The following NBAS variants were observed in gnomAD, a reference collection of about 807,000 sequenced individuals.
NBAS encodes the protein NBAS subunit of NRZ tethering complex.
In NBAS, 219 loss-of-function variants were observed where a neutral mutation model predicts 302.5. The ratio of observed to expected loss-of-function variants is 0.72; its 90% CI spans 0.65 to 0.81. The LOEUF is 0.81. NBAS is among the 30% of genes least tolerant of loss of function. NBAS has a pLI of 0.00. For synonymous variants in NBAS, 1,118 were observed against 1,021.6 expected (o/e 1.09, Z -1.80); for missense variants, 2,932 against 2,841.6 (o/e 1.03, Z -0.72).
intron 31 of NBAS, among the ~76,000 whole-genome samples, chr2:15,368,035 ACATATATACAAGTG>A (rs1443944682): frequency 6.6e-6 from 1 of 152,176 alleles, no homozygotes; most frequent in Non-Finnish European, 1.5e-5. Context: ...TTTATAATAC[ACATATATACAAGTG>A]CATATATACA....
At chr2:15,514,054 T>C (rs1048215145) in intron 9 of NBAS, among the ~76,000 whole-genome samples, 9 of 152,212 alleles carry the variant, frequency 5.9e-5, no homozygotes, top group Non-Finnish European at 1.3e-4. Context: ...CTGTTAATTA[T>C]TTTAGATGTG....
At chr2:15,450,921 C>T (rs537167186) in intron 21 of NBAS, among the ~76,000 whole-genome samples, 1 of 152,258 alleles carries the variant, frequency 6.6e-6, no homozygotes, top group Admixed American at 6.5e-5. Flanking sequence ...GAAACATTAA[C>T]ATTCTTCTTA....
At chr2:15,544,724 C>T (rs1463821993) in intron 6 of NBAS, among the ~76,000 whole-genome samples, 1 of 152,112 alleles carries the variant, frequency 6.6e-6, no homozygotes, top group Non-Finnish European at 1.5e-5. Flanking sequence ...CTTTAAAGAG[C>T]TGAAAGAGCC....
chr2:14,844,748 A>G, the NBAS span, among the ~76,000 whole-genome samples: 2 of 152,164 alleles, frequency 1.3e-5, no homozygotes, highest in Admixed American at 6.5e-5. Context: ...TTAAGGGAAT[A>G]TCAGCAGTAG....
At position 15,167,440 on chromosome 2, in the gene NBAS, T is replaced by G. The variant is rs10221694; in HGVS notation, c.6841-117A>C. 9,039 of 1,326,866 alleles carry G rather than the reference T, an allele frequency of 6.8e-3. 413 individuals are homozygous for G. The African/African-American group carries it at 0.11, about 16-fold the overall frequency. 82.2% of individuals were successfully genotyped at this position (1,326,866 alleles called of 1,614,324 possible). A position where few individuals can be genotyped will look rare whatever the true frequency, so the allele number is the denominator to read the frequency against. ...CATCATTCATGCCCTGGCCTGGGTT[T>G]AAAAGCGTGTGTGGGTCACGAGCAC... On this transcript the variant is annotated intron_variant, in intron 51 of 51. Coordinates refer to ENST00000281513, the MANE Select transcript of NBAS (RefSeq NM_015909.4).
the NBAS span, among the ~76,000 whole-genome samples, chr2:14,780,347 G>A: frequency 4.1e-4 from 62 of 152,272 alleles, 1 homozygote; most frequent in East Asian, 9.3e-3. Flanking sequence ...GCAGAACTTA[G>A]CCTGGATTTT....
At chr2:15,036,244 T>C in the NBAS span, among the ~76,000 whole-genome samples, 1 of 152,224 alleles carries the variant, frequency 6.6e-6, no homozygotes, top group Admixed American at 6.5e-5. Context: ...CTTGCATCCC[T>C]AGTGCCTAGC....
chr2:14,833,559 C>T, the NBAS span, among the ~76,000 whole-genome samples: 2 of 152,030 alleles, frequency 1.3e-5, no homozygotes, highest in African/African-American at 4.8e-5. Flanking sequence ...TCATTATTAT[C>T]ACTATTCATT....
chr2:14,982,770 A>C, the NBAS span, among the ~76,000 whole-genome samples: 1 of 152,250 alleles, frequency 6.6e-6, no homozygotes, highest in African/African-American at 2.4e-5. Context: ...ATAATTATAA[A>C]TAACTTGATT....
chr2:15,005,015 T>C, the NBAS span, among the ~76,000 whole-genome samples: 17 of 152,164 alleles, frequency 1.1e-4, no homozygotes, highest in Admixed American at 9.8e-4. Flanking sequence ...CAATTAAACA[T>C]TGTTTCACTC....
chr2:15,535,555 T>C (rs986082343), intron 8 of NBAS, among the ~76,000 whole-genome samples: 31 of 91,430 alleles, frequency 3.4e-4, no homozygotes, highest in Admixed American at 6.7e-4. Flanking sequence ...AATAAATAAA[T>C]AAATAAATAA....
chr2:15,381,953 T>C (rs1347871368), intron 29 of NBAS, among the ~76,000 whole-genome samples: 1 of 152,234 alleles, frequency 6.6e-6, no homozygotes, highest in Non-Finnish European at 1.5e-5. Flanking sequence ...CAATGGGTTA[T>C]GCTTTGTGGT....
the NBAS span, among the ~76,000 whole-genome samples, chr2:15,073,905 C>G: frequency 0.26 from 40,129 of 152,078 alleles, 5,404 homozygotes; most frequent in East Asian, 0.34. Context: ...GGACCTATCT[C>G]TCTAAAATAT....
the NBAS span, among the ~76,000 whole-genome samples, chr2:15,089,819 G>A: frequency 7.6e-6 from 1 of 131,802 alleles, no homozygotes; most frequent in Non-Finnish European, 1.5e-5. Flanking sequence ...CACAATCTCA[G>A]TTCACTGCAA....
At chr2:15,326,961 T>C (rs754907986) in intron 38 of NBAS, among the ~76,000 whole-genome samples, 18 of 152,228 alleles carry the variant, frequency 1.2e-4, no homozygotes, top group African/African-American at 4.3e-4. Flanking sequence ...CTGTATGCAT[T>C]TTCCCAAATT....
chr2:15,198,748 A>T (rs1412700302), intron 48 of NBAS, among the ~76,000 whole-genome samples: 1 of 152,222 alleles, frequency 6.6e-6, no homozygotes, highest in East Asian at 1.9e-4. Flanking sequence ...AGCACAATAC[A>T]AATGATAATT....
the NBAS span, among the ~76,000 whole-genome samples, chr2:14,915,917 A>G: frequency 3.3e-5 from 5 of 152,136 alleles, no homozygotes; most frequent in African/African-American, 1.2e-4. Context: ...GCCTACTGCC[A>G]TCTACATAAG....
intron 38 of NBAS, among the ~76,000 whole-genome samples, chr2:15,320,395 C>T (rs753444495): frequency 6.6e-6 from 1 of 152,030 alleles, no homozygotes; most frequent in South Asian, 2.1e-4. Context: ...AAGTTCTGGC[C>T]AGGGCAATCA....
At chr2:15,559,266 A>G (rs1393231547) in intron 1 of NBAS, among the ~76,000 whole-genome samples, 1 of 152,148 alleles carries the variant, frequency 6.6e-6, no homozygotes, top group Non-Finnish European at 1.5e-5. Context: ...CCAGTTCAGC[A>G]TACTCTATTG....
Sources: allele counts gnomAD v4.1 joint callset (sites outside exome capture counted in the v4.1 genomes callset), GRCh38; gene constraint gnomAD v4.1.1; transcripts MANE v1.5; gene names NCBI Gene and HGNC (gene_info 2026-07-23, HGNC 2026-07-21).